GDF5: variants seen among roughly 807,000 people sequenced by gnomAD.
GDF5 encodes growth differentiation factor 5.
In GDF5, 17 loss-of-function variants were observed where a neutral mutation model predicts 34.6. The ratio of observed to expected loss-of-function variants is 0.49; its 90% CI spans 0.34 to 0.74. GDF5 has a LOEUF of 0.74. Among genes scored for constraint, GDF5 ranks in the 30% least tolerant of loss-of-function variants. The pLI is 0.01. For synonymous variants in GDF5, 332 were observed against 290.7 expected, an observed-to-expected ratio of 1.14 and a Z score of -1.44; for missense variants, 616 against 661.2, an observed-to-expected ratio of 0.93 and a Z score of 0.75.
intron 1 of GDF5, among the ~76,000 whole-genome samples, chr20:35,443,876 A>G (rs2062505988): frequency 6.6e-6 from 1 of 151,626 alleles, no homozygotes; most frequent in African/African-American, 2.4e-5. Flanking sequence ...CTGAGTGATA[A>G]TAATAATAAT....
intron 1 of GDF5, among the ~76,000 whole-genome samples, chr20:35,452,775 A>T (rs903767016): frequency 3.9e-5 from 6 of 152,176 alleles, no homozygotes; most frequent in African/African-American, 1.2e-4. Flanking sequence ...ATGTTATGTC[A>T]TTAAACTTTG....
intron 1 of GDF5, among the ~76,000 whole-genome samples, chr20:35,448,459 T>TC (rs2062521055): frequency 7.3e-6 from 1 of 137,742 alleles, no homozygotes; most frequent in Non-Finnish European, 1.6e-5. Flanking sequence ...TTTTTTTTTT[T>TC]TTTTTTTTTT....
chr20:35,451,324 C>T lies in GDF5; in HGVS notation c.-398+3316G>A, dbSNP rs558094742. On this transcript the variant is annotated intron_variant, in intron 1 of 3. Coordinates refer to the GDF5 transcript ENST00000374372. ...GAATTTAGGATATAAAGGAAGAAACCGTTCCCCTCACCTGGCAGGGACCAG... is the reference window on the plus strand; with the variant it reads ...GAATTTAGGATATAAAGGAAGAAACTGTTCCCCTCACCTGGCAGGGACCAG... Among the ~76,000 whole-genome samples the T allele has an allele frequency of 4.6e-5, 7 of 151,558 alleles. No homozygotes were observed. In the South Asian group the frequency reaches 8.3e-4, roughly 18 times the overall value.
intron 1 of GDF5, among the ~76,000 whole-genome samples, chr20:35,452,491 C>G (rs775182524): frequency 6.6e-6 from 1 of 152,226 alleles, no homozygotes; most frequent in Admixed American, 6.5e-5. Flanking sequence ...GGTGCAATCT[C>G]GGCTCACCGC....
intron 1 of GDF5, among the ~76,000 whole-genome samples, chr20:35,450,926 G>A (rs2062529030): frequency 6.6e-6 from 1 of 151,368 alleles, no homozygotes; most frequent in African/African-American, 2.4e-5. Flanking sequence ...TCCCCAAGGA[G>A]GAATGGGGAC....
At chr20:35,452,977 C>T (rs886325465) in intron 1 of GDF5, among the ~76,000 whole-genome samples, 4 of 151,940 alleles carry the variant, frequency 2.6e-5, no homozygotes, top group African/African-American at 7.3e-5. Flanking sequence ...CGGCCGGGTG[C>T]GGTGGCGCAT....
In GDF5 at chr20:35,434,236, G is replaced by T. The variant is rs199576473; in HGVS notation, c.1179C>A (p.Ser393Arg). 1 of 1,614,202 alleles carries T rather than the reference G, an allele frequency of 6.2e-7. No homozygotes were observed. Among genetic ancestry groups the T allele is most frequent in the Non-Finnish European group, 8.5e-7 (1 of 1,180,036 alleles). ...GACTGCAGCGAGCCTTAAGGTTCTT[G>T]CTGGGTCGCTTGCCCTGGCGAGTGG... ...PLATRQGKRP[S>R]KNLKARCSRK... Residue 393 changes from serine (S) to arginine (R), a missense_variant, in exon 2 of 2, where the codon AGC (serine) becomes AGA (arginine). Ser to Arg is a moderately radical substitution (Grantham distance 110). Coordinates refer to ENST00000374369, the MANE Select transcript of GDF5 (RefSeq NM_000557.5).
At position 35,434,559 on chromosome 20, in the gene GDF5, G is replaced by A. The variant is rs1307323215; in HGVS notation, c.856C>T (p.Leu286=). ...AACACCTCCCAGCCAGATCCGTCCA[G>A]GCCTGGCACGGAGCGCACATCCAGC... The part of the protein sequence containing the change: ...ALLDVRSVPG[L]DGSGWEVFDI... Residue 286 remains leucine (L), a synonymous_variant, in exon 2 of 2, where the codon CTG becomes TTG. Transcript: ENST00000374369. 5 of 1,591,498 alleles carry A rather than the reference G, an allele frequency of 3.1e-6. No homozygotes were observed. The highest frequency in any genetic ancestry group is 4.3e-6 in the Non-Finnish European group (5 of 1,167,566).
upstream of GDF5, among the ~76,000 whole-genome samples, chr20:35,438,879 G>A (rs1399845151): frequency 6.7e-5 from 10 of 150,276 alleles, no homozygotes; most frequent in Admixed American, 6.7e-4. Context: ...CTGTGTGTGT[G>A]TGTGCCTGTG....
chr20:35,454,229 G>C, intron 1 of GDF5: 1 of 351,274 alleles, frequency 2.8e-6, no homozygotes, highest in South Asian at 2.1e-5. Context: ...CGAGGCGGGA[G>C]GATCACGAGG....
rs748265022 is a variant in GDF5 at position 35,437,771 on chromosome 20, A to T, written c.158T>A (p.Leu53Gln). The change falls in exon 1 of 2, where the codon CTG (leucine) becomes CAG (glutamine). Residue 53 changes from leucine to glutamine, a missense_variant. Transcript: ENST00000374369. Reference protein sequence around the residue: ...AKAEAKERPPLARNVFRPGGH... With the variant: ...AKAEAKERPPQARNVFRPGGH... ...CCCTGGCCTGAAGACGTTCCGGGCC[A>T]GGGGGGGCCTCTCCTTGGCCTCTGC... 6.2e-7 allele frequency: 1 copy of T among 1,608,360 alleles called. No homozygotes were observed. The highest frequency in any genetic ancestry group is 8.5e-7 in the Non-Finnish European group (1 of 1,177,654).
At chr20:35,443,649 C>T (rs545512464) in intron 1 of GDF5, among the ~76,000 whole-genome samples, 7 of 151,872 alleles carry the variant, frequency 4.6e-5, no homozygotes, top group Admixed American at 2.0e-4. Context: ...GTAGCTGGGA[C>T]TACAGGCATG....
At position 35,434,319 on chromosome 20, in the gene GDF5, C is replaced by G. The variant is rs766838573; in HGVS notation, c.1096G>C (p.Asp366His). Residue 366 changes from aspartate to histidine, a missense_variant, in exon 2 of 2, where the codon GAT becomes CAT. Coordinates refer to ENST00000374369, the MANE Select transcript of GDF5 (RefSeq NM_000557.5). Reference sequence around the variant, plus strand: ...AACAGGTACTCATACACGGTCTTATCGTCCTGGCCAGAGCGGGCCTTAATC... The same window carrying G: ...AACAGGTACTCATACACGGTCTTATGGTCCTGGCCAGAGCGGGCCTTAATC... The part of the protein sequence containing the change: ...NEIKARSGQD[D>H]KTVYEYLFSQ... 1.9e-6 allele frequency: 3 copies of G among 1,613,958 alleles called. No homozygotes were observed. Among genetic ancestry groups the G allele is most frequent in the East Asian group, 2.2e-5 (1 of 44,896 alleles).
upstream of GDF5, among the ~76,000 whole-genome samples, chr20:35,442,412 A>G (rs1230279716): frequency 6.6e-6 from 1 of 152,006 alleles, no homozygotes; most frequent in East Asian, 1.9e-4. Context: ...TTGTAAGCTC[A>G]GAGAGTGAAT....
At chr20:35,447,581 T>G (rs2062518033) in intron 1 of GDF5, among the ~76,000 whole-genome samples, 1 of 152,218 alleles carries the variant, frequency 6.6e-6, no homozygotes, top group Non-Finnish European at 1.5e-5. Context: ...GTTTTACATA[T>G]TTATTCTAGA....
At chr20:35,434,977 C>G in intron 1 of GDF5, 194 bp from the exon 2 acceptor site, 1 of 686,248 alleles carries the variant, frequency 1.5e-6, no homozygotes, top group Non-Finnish European at 2.7e-6. Context: ...CATAGCCGAC[C>G]AAGTAGGGGT....
upstream of GDF5, among the ~76,000 whole-genome samples, chr20:35,440,644 T>A (rs955794280): frequency 3.3e-5 from 5 of 152,198 alleles, no homozygotes; most frequent in African/African-American, 7.2e-5. Flanking sequence ...CTCTTTTACA[T>A]TTTTTGGCAG....
chr20:35,437,386 G>C lies in GDF5; in HGVS notation c.543C>G (p.Ser181=), dbSNP rs754016979. The C allele has an allele frequency of 4.3e-6, 7 of 1,612,732 alleles. No individual in the cohort carries two copies. The Admixed American group carries it at 6.7e-5, about 15-fold the overall frequency. The change falls in exon 1 of 2, where the codon TCC becomes TCG. Residue 181 remains serine, a synonymous_variant. Coordinates refer to ENST00000374369, the MANE Select transcript of GDF5 (RefSeq NM_000557.5). ...EYMLSLYRTL[S]DADRKGGNSS... The stretch of plus-strand genomic sequence containing the variant: ...TGTTGCCTCCCTTTCTGTCAGCATC[G>C]GACAGCGTCCTGTACAGCGAGAGCA...
chr20:35,454,400 G>C (rs1174861358), intron 1 of GDF5, among the ~76,000 whole-genome samples: 1 of 151,520 alleles, frequency 6.6e-6, no homozygotes, highest in Non-Finnish European at 1.5e-5. Flanking sequence ...GTTGCAGTGA[G>C]CCGAGATCGT....
Sources: gnomAD v4.1 joint callset for allele counts (sites outside exome capture counted in the v4.1 genomes callset) on GRCh38, gnomAD v4.1.1 for gene constraint, MANE v1.5 for transcripts, NCBI Gene and HGNC (gene_info 2026-07-23, HGNC 2026-07-21) for gene names.